Variants in SLC24A2 observed in about 807,000 individuals in gnomAD.
SLC24A2 encodes sodium/potassium/calcium exchanger 2.
Under a neutral mutation model 62.0 loss-of-function variants are expected in SLC24A2, and 36 were observed. That is an observed-to-expected ratio of 0.58 (90% CI 0.44 to 0.77). The LOEUF (loss-of-function observed/expected upper bound fraction) is 0.77. Ranked by LOEUF, SLC24A2 falls within the 30% of genes least tolerant of loss-of-function variation. The pLI is 0.00. For missense variants in SLC24A2, 846 were observed against 817.9 expected (o/e 1.03, Z -0.42); for synonymous variants, 358 against 294.0 (o/e 1.22, Z -2.23).
intron 2 of SLC24A2, among the ~76,000 whole-genome samples, chr9:19,748,262 G>A (rs896920931): frequency 6.6e-6 from 1 of 152,162 alleles, no homozygotes; most frequent in Admixed American, 6.6e-5. Context: ...TCAGTTGCCT[G>A]AGTACTCCTA....
chr9:20,019,303 G>GAAAGAA, the SLC24A2 span, among the ~76,000 whole-genome samples: 1 of 147,650 alleles, frequency 6.8e-6, no homozygotes, highest in African/African-American at 2.7e-5. Flanking sequence ...AAGAAAGAAA[G>GAAAGAA]AAAGAAAGAA....
In SLC24A2 at chr9:19,673,915, C is replaced by A. The variant is rs533944066; in HGVS notation, c.931-51616G>T. The stretch of plus-strand genomic sequence containing the variant: ...ACTATTCTATTCATGTTATTTGATG[C>A]CTGAATATCTTGTTGTTTATTTGTT... On this transcript the variant is annotated intron_variant, in intron 2 of 10. Transcript: ENST00000341998. Among the ~76,000 whole-genome samples, 61 of 152,180 alleles carry A rather than the reference C, an allele frequency of 4.0e-4. 2 individuals carry two copies. Among genetic ancestry groups the A allele is most frequent in the African/African-American group, 1.4e-3 (58 of 41,522 alleles).
intron 8 of SLC24A2, among the ~76,000 whole-genome samples, chr9:19,534,095 C>G (rs1238093498): frequency 5.9e-5 from 9 of 152,142 alleles, no homozygotes; most frequent in African/African-American, 1.7e-4. Context: ...ACCATTTATT[C>G]ACAGAGGGGA....
chr9:20,091,214 G>C, the SLC24A2 span, among the ~76,000 whole-genome samples: 1 of 150,652 alleles, frequency 6.6e-6, no homozygotes, highest in African/African-American at 2.4e-5. Flanking sequence ...TACGTAAAGA[G>C]GTCAAATCTA....
chr9:19,846,516 G>C, the SLC24A2 span, among the ~76,000 whole-genome samples: 1 of 152,148 alleles, frequency 6.6e-6, no homozygotes, highest in East Asian at 1.9e-4. Context: ...GAAGACAGCA[G>C]ATGAATGGGT....
At chr9:19,894,478 G>C in the SLC24A2 span, among the ~76,000 whole-genome samples, 5 of 152,082 alleles carry the variant, frequency 3.3e-5, no homozygotes, top group African/African-American at 1.2e-4. Flanking sequence ...TTCATTACAT[G>C]AATGACTGAA....
At chr9:19,949,213 T>C in the SLC24A2 span, among the ~76,000 whole-genome samples, 2 of 151,996 alleles carry the variant, frequency 1.3e-5, no homozygotes, top group African/African-American at 2.4e-5. Context: ...AGGATGGTCT[T>C]GAACTCCCGA....
chr9:20,119,124 T>A, the SLC24A2 span, among the ~76,000 whole-genome samples: 1 of 152,098 alleles, frequency 6.6e-6, no homozygotes, highest in East Asian at 1.9e-4. Flanking sequence ...AGGCCCTCAA[T>A]TGTACAACTG....
the SLC24A2 span, among the ~76,000 whole-genome samples, chr9:20,291,410 G>C: frequency 6.6e-6 from 1 of 152,192 alleles, no homozygotes; most frequent in Admixed American, 6.5e-5. Context: ...GCAGAGGGGA[G>C]ATCAGGGCCA....
At chr9:19,577,968 T>C (rs1836081040) in intron 5 of SLC24A2, among the ~76,000 whole-genome samples, 1 of 151,900 alleles carries the variant, frequency 6.6e-6, no homozygotes, top group Non-Finnish European at 1.5e-5. Context: ...ACTCTTATTC[T>C]AAGTGATGTA....
At chr9:19,565,817 T>C (rs1835626880) in intron 7 of SLC24A2, among the ~76,000 whole-genome samples, 1 of 152,094 alleles carries the variant, frequency 6.6e-6, no homozygotes, top group African/African-American at 2.4e-5. Flanking sequence ...ACCACACATC[T>C]ATAACCATCT....
chr9:19,720,384 T>C (rs1295744862), intron 2 of SLC24A2, among the ~76,000 whole-genome samples: 1 of 152,122 alleles, frequency 6.6e-6, no homozygotes, highest in Non-Finnish European at 1.5e-5. Flanking sequence ...CTACAATAGT[T>C]TACCAGACAC....
chr9:20,058,609 A>G, the SLC24A2 span, among the ~76,000 whole-genome samples: 2 of 152,158 alleles, frequency 1.3e-5, no homozygotes, highest in East Asian at 3.8e-4. Flanking sequence ...AAGACGCATT[A>G]AATACAACAA....
At chr9:19,634,580 G>A (rs148242196) in intron 2 of SLC24A2, among the ~76,000 whole-genome samples, 5 of 152,186 alleles carry the variant, frequency 3.3e-5, no homozygotes, top group East Asian at 1.9e-4. Flanking sequence ...GAACCACTGC[G>A]CCCGGCCAAA....
At chr9:19,724,471 C>A (rs1042648656) in intron 2 of SLC24A2, among the ~76,000 whole-genome samples, 1 of 152,136 alleles carries the variant, frequency 6.6e-6, no homozygotes, top group African/African-American at 2.4e-5. Flanking sequence ...AAAAGATGAA[C>A]TGGGGAAATG....
chr9:19,838,570 C>G, the SLC24A2 span, among the ~76,000 whole-genome samples: 2 of 150,022 alleles, frequency 1.3e-5, no homozygotes, highest in Admixed American at 1.3e-4. Context: ...ACTTGGGAGG[C>G]GGAAGTTGCA....
chr9:19,798,442 T>A, the SLC24A2 span, among the ~76,000 whole-genome samples: 1 of 152,214 alleles, frequency 6.6e-6, no homozygotes, highest in Non-Finnish European at 1.5e-5. Context: ...AAGATTTTCT[T>A]ACTTGTACAA....
At chr9:19,921,772 A>T in the SLC24A2 span, among the ~76,000 whole-genome samples, 23 of 152,146 alleles carry the variant, frequency 1.5e-4, no homozygotes, top group African/African-American at 5.3e-4. Context: ...ACTCTACGGT[A>T]CAAGGCCTCT....
At chr9:20,280,049 T>C in the SLC24A2 span, among the ~76,000 whole-genome samples, 18,137 of 152,186 alleles carry the variant, frequency 0.12, 1,152 homozygotes, top group Non-Finnish European at 0.15. Flanking sequence ...GCGGGAAAAA[T>C]AGGCTATTGC....
Sources: gnomAD v4.1 joint callset for allele counts (sites outside exome capture counted in the v4.1 genomes callset) on GRCh38, gnomAD v4.1.1 for gene constraint, MANE v1.5 for transcripts, NCBI Gene and HGNC (gene_info 2026-07-23, HGNC 2026-07-21) for gene names.